The following ABCB5 variants were observed in gnomAD, a reference collection of about 807,000 sequenced individuals.
ABCB5 encodes the protein ATP binding cassette subfamily B member 5, also known as ATP-binding cassette sub-family B member 5.
In ABCB5, 155 loss-of-function variants were observed where a neutral mutation model predicts 144.2. The ratio of observed to expected loss-of-function variants is 1.08; its 90% CI spans 0.94 to 1.23. The LOEUF (loss-of-function observed/expected upper bound fraction) is 1.23. Ranked by LOEUF, ABCB5 falls within the 50% of genes most tolerant of loss-of-function variation. The pLI, the probability that ABCB5 is intolerant of heterozygous loss-of-function variation, is 0.00. For synonymous variants in ABCB5, 610 were observed against 528.6 expected, an observed-to-expected ratio of 1.15 and a Z score of -2.11; for missense variants, 1,830 against 1,520.8, an observed-to-expected ratio of 1.20 and a Z score of -3.38.
intron 7 of ABCB5, among the ~76,000 whole-genome samples, 177 bp from the exon 8 acceptor site, chr7:20,645,579 C>T (rs902294583): frequency 2.6e-5 from 4 of 152,166 alleles, no homozygotes; most frequent in Non-Finnish European, 5.9e-5. Context: ...GATATTTTCC[C>T]TTTTCTCTCT....
chr7:20,632,088 G>A lies in ABCB5; in HGVS notation c.289G>A (p.Glu97Lys), dbSNP rs1207648308. The A allele has an allele frequency of 2.0e-6, 3 of 1,526,476 alleles. No homozygotes were observed. The highest frequency in any genetic ancestry group is 2.5e-5 in the South Asian group (2 of 79,900). The allele number at this position is 1,526,476 out of a possible 1,614,324, so 94.6% of individuals were successfully genotyped here. A position where few individuals can be genotyped will look rare whatever the true frequency, so the allele number is the denominator to read the frequency against. The change falls in exon 5 of 28, where the codon GAG (glutamate) becomes AAG (lysine). Residue 97 changes from glutamate to lysine, a missense_variant. By Grantham distance (56) the Glu-to-Lys change is moderately conservative. Transcript: ENST00000404938. ...TTATCAGAACTGTACTCAGTCTCAA[G>A]AGAAGCTGAATGAAGATATGACTCT... ...TNYQNCTQSQ[E>K]KLNEDMTLLT...
intron 2 of ABCB5, among the ~76,000 whole-genome samples, chr7:20,626,130 T>G (rs1783903710): frequency 6.6e-6 from 1 of 152,108 alleles, no homozygotes; most frequent in African/African-American, 2.4e-5. Flanking sequence ...AGAGGCAAAA[T>G]AGAACCGCGG....
chr7:20,635,015 C>T (rs1037255819), intron 5 of ABCB5, among the ~76,000 whole-genome samples: 1 of 152,064 alleles, frequency 6.6e-6, no homozygotes, highest in African/African-American at 2.4e-5. Flanking sequence ...AAGTTTTCTT[C>T]TAGTATTCTT....
At chr7:20,649,989 G>GT (rs1232339909) in intron 11 of ABCB5, 33 bp from the exon 12 acceptor site, 3 of 1,587,618 alleles carry the variant, frequency 1.9e-6, no homozygotes, top group Non-Finnish European at 2.6e-6. Flanking sequence ...TCTTATTGTG[G>GT]TTTTATGATT....
At chr7:20,703,347 T>A (rs1475375413) in intron 19 of ABCB5, among the ~76,000 whole-genome samples, 1 of 152,192 alleles carries the variant, frequency 6.6e-6, no homozygotes, top group Non-Finnish European at 1.5e-5. Context: ...TGCCTGGGAT[T>A]GTGCTTTCAA....
chr7:20,718,080 T>G (rs983371006), intron 20 of ABCB5, among the ~76,000 whole-genome samples: 1 of 110,532 alleles, frequency 9.0e-6, no homozygotes, highest in African/African-American at 5.0e-5. Context: ...TTTTTTGTGG[T>G]TTTTTTTTTT....
At chr7:20,708,747 T>A (rs530621765) in intron 20 of ABCB5, among the ~76,000 whole-genome samples, 7 of 152,140 alleles carry the variant, frequency 4.6e-5, no homozygotes, top group African/African-American at 1.7e-4. Flanking sequence ...ATAATAATAA[T>A]AAATAACCGT....
chr7:20,631,982 T>A (rs1167911286), intron 4 of ABCB5, 77 bp from the exon 5 acceptor site: 1 of 892,986 alleles, frequency 1.1e-6, no homozygotes, highest in Non-Finnish European at 1.6e-6. Flanking sequence ...CTATATTTGG[T>A]TTGGAGGGCT....
At chr7:20,711,360 G>T (rs1413721371) in intron 20 of ABCB5, among the ~76,000 whole-genome samples, 1 of 148,348 alleles carries the variant, frequency 6.7e-6, no homozygotes, top group African/African-American at 2.5e-5. Context: ...ATTATTTCAG[G>T]TTTTTTATGC....
At chr7:20,719,575 G>A (rs999252680) in intron 20 of ABCB5, among the ~76,000 whole-genome samples, 19 of 152,120 alleles carry the variant, frequency 1.2e-4, no homozygotes, top group African/African-American at 3.9e-4. Context: ...CTGGCCTTCC[G>A]TCAGTGTGGG....
intron 7 of ABCB5, among the ~76,000 whole-genome samples, chr7:20,643,878 G>C (rs539162975): frequency 6.6e-6 from 1 of 152,184 alleles, no homozygotes; most frequent in Admixed American, 6.5e-5. Flanking sequence ...TCATTTAGCA[G>C]TCTAACACAA....
At chr7:20,650,328 C>A (rs758065318) in intron 12 of ABCB5, among the ~76,000 whole-genome samples, 181 bp downstream of exon 12, 1 of 152,172 alleles carries the variant, frequency 6.6e-6, no homozygotes, top group Non-Finnish European at 1.5e-5. Flanking sequence ...ATGTGTCAGG[C>A]ACTGTTTTAG....
intron 5 of ABCB5, among the ~76,000 whole-genome samples, chr7:20,638,728 G>A (rs1784218379): frequency 6.6e-6 from 1 of 152,118 alleles, no homozygotes; most frequent in Admixed American, 6.6e-5. Flanking sequence ...TCCATTGCAA[G>A]GCTGTATCAC....
At chr7:20,654,133 G>A (rs1033471335) in intron 13 of ABCB5, among the ~76,000 whole-genome samples, 1 of 151,924 alleles carries the variant, frequency 6.6e-6, no homozygotes, top group African/African-American at 2.4e-5. Context: ...ACAAGTTCAA[G>A]ATCAGTCAGT....
At chr7:20,663,504 T>A (rs1785070102) in intron 14 of ABCB5, among the ~76,000 whole-genome samples, 1 of 152,130 alleles carries the variant, frequency 6.6e-6, no homozygotes, top group Non-Finnish European at 1.5e-5. Flanking sequence ...TCCATATTGC[T>A]TAATTCTGCT....
At chr7:20,739,231 G>A in intron 24 of ABCB5, 92 bp downstream of exon 24, 2 of 1,326,668 alleles carry the variant, frequency 1.5e-6, no homozygotes, top group Non-Finnish European at 2.0e-6. Context: ...AGGGGCAAGG[G>A]CTGAAAAACT....
chr7:20,700,710 G>T (rs908484785), intron 19 of ABCB5, among the ~76,000 whole-genome samples: 2 of 152,202 alleles, frequency 1.3e-5, no homozygotes, highest in South Asian at 4.1e-4. Flanking sequence ...ATCTTGAGAA[G>T]TGAGTCTTGG....
At chr7:20,700,794 C>A (rs1786593914) in intron 19 of ABCB5, among the ~76,000 whole-genome samples, 1 of 152,190 alleles carries the variant, frequency 6.6e-6, no homozygotes, top group African/African-American at 2.4e-5. Flanking sequence ...TTGGGTTACC[C>A]TGAAAGCCAG....
chr7:20,730,649 A>G (rs1200435242), intron 23 of ABCB5, among the ~76,000 whole-genome samples: 1 of 152,214 alleles, frequency 6.6e-6, no homozygotes, highest in Non-Finnish European at 1.5e-5. Flanking sequence ...TTCTGATTAC[A>G]TAAGACTAAT....
Sources: gnomAD v4.1 joint callset for allele counts (sites outside exome capture counted in the v4.1 genomes callset) on GRCh38, gnomAD v4.1.1 for gene constraint, MANE v1.5 for transcripts, NCBI Gene and HGNC (gene_info 2026-07-23, HGNC 2026-07-21) for gene names.